The following SASH1 variants were observed in gnomAD, a reference collection of about 807,000 sequenced individuals.
SASH1 encodes the protein SAM and SH3 domain-containing protein 1.
SASH1 carries 44 observed loss-of-function variants against 125.2 expected under a neutral mutation model. That is an observed-to-expected ratio of 0.35 (90% CI 0.28 to 0.45). The LOEUF (loss-of-function observed/expected upper bound fraction) is 0.45, where lower values mean the gene tolerates loss of function less well. Among genes scored for constraint, SASH1 ranks in the 20% least tolerant of loss-of-function variants. The pLI is 1.00. For missense variants in SASH1, 1,426 were observed against 1,614.5 expected, an observed-to-expected ratio of 0.88 and a Z score of 2.00; for synonymous variants, 639 against 649.1, an observed-to-expected ratio of 0.98 and a Z score of 0.24.
the SASH1 span, among the ~76,000 whole-genome samples, chr6:148,237,195 T>TC: frequency 1.3e-5 from 2 of 152,142 alleles, no homozygotes; most frequent in South Asian, 4.1e-4. Flanking sequence ...TTTTTTTTTT[T>TC]AGCACAGTTC....
chr6:148,202,718 G>C, the SASH1 span, among the ~76,000 whole-genome samples: 51 of 152,226 alleles, frequency 3.4e-4, no homozygotes, highest in Non-Finnish European at 4.1e-4. Context: ...ACTTTGGGAG[G>C]CCGAGGCAGG....
At position 148,551,991 on chromosome 6, in the gene SASH1, A is replaced by T. The variant is rs367616341; in HGVS notation, c.*3433A>T. 3.3e-5 allele frequency: 5 copies of T among 152,764 alleles called. 1 individual carries two copies. The allele number at this position is 152,764 out of a possible 1,614,324, so 9.5% of individuals were successfully genotyped here. On this transcript the variant is annotated 3_prime_UTR_variant, in exon 20 of 20. Coordinates refer to ENST00000367467, the MANE Select transcript of SASH1 (RefSeq NM_015278.5). ...TTTTCCTATGTATCAAAACTTGTCT[A>T]TAATTATGTCATCTATGTACCTAGA... is the stretch of plus-strand genomic sequence containing the variant.
At chr6:148,275,997 A>G (rs1412457374) in intron 1 of SASH1, among the ~76,000 whole-genome samples, 1 of 152,198 alleles carries the variant, frequency 6.6e-6, no homozygotes, top group Non-Finnish European at 1.5e-5. Context: ...TTGGGATTTC[A>G]GGCATGAGCC....
At chr6:148,404,672 T>C (rs1784304964) in intron 2 of SASH1, among the ~76,000 whole-genome samples, 1 of 101,172 alleles carries the variant, frequency 9.9e-6, no homozygotes, top group South Asian at 4.7e-4. Flanking sequence ...CGTACCCTCA[T>C]CCCAACCCCA....
chr6:148,468,753 A>T (rs1777964931), intron 5 of SASH1, 168 bp downstream of exon 5: 2 of 539,498 alleles, frequency 3.7e-6, no homozygotes, highest in South Asian at 5.7e-5. Context: ...TTTTAAAAAA[A>T]TATAATTGTG....
At chr6:148,322,277 G>C (rs1174578933) in intron 1 of SASH1, among the ~76,000 whole-genome samples, 1 of 152,058 alleles carries the variant, frequency 6.6e-6, no homozygotes, top group African/African-American at 2.4e-5. Context: ...AGTTGAACCC[G>C]GGAAGTGGAG....
chr6:148,221,724 T>C, the SASH1 span, among the ~76,000 whole-genome samples: 14 of 152,198 alleles, frequency 9.2e-5, no homozygotes, highest in Admixed American at 9.2e-4. Flanking sequence ...TGAGCTGCGG[T>C]GGTTGTGAAC....
At chr6:148,282,915 G>A (rs939814241) in intron 1 of SASH1, among the ~76,000 whole-genome samples, 2 of 152,046 alleles carry the variant, frequency 1.3e-5, no homozygotes, top group African/African-American at 4.8e-5. Flanking sequence ...GCAGCCACTG[G>A]TTCTAAGCAT....
In SASH1 at chr6:148,544,055, C is replaced by T; in HGVS notation, c.2585C>T (p.Pro862Leu). 2 of 1,614,110 alleles carry T rather than the reference C, an allele frequency of 1.2e-6. No homozygotes were observed. The highest frequency in any genetic ancestry group is 1.7e-6 in the Non-Finnish European group (2 of 1,180,016). Residue 862 changes from proline (P) to leucine (L), a missense_variant, in exon 18 of 20, where the codon CCT becomes CTT. By Grantham distance (98) the Pro-to-Leu change is moderately conservative. Coordinates refer to ENST00000367467, the MANE Select transcript of SASH1 (RefSeq NM_015278.5). This position sits in a 1 kb window ranked among gnomAD's most constrained non-coding sequence, Gnocchi z 6.4. Reference protein sequence around the residue: ...DVPTEVTEPPPQIVPEVPQKT... With the variant: ...DVPTEVTEPPLQIVPEVPQKT... ...CCTACCGAGGTGACAGAACCGCCCC[C>T]TCAGATTGTACCTGAAGTGCCACAG... is the stretch of plus-strand genomic sequence containing the variant.
chr6:148,362,752 G>A (rs1270375633), intron 1 of SASH1, among the ~76,000 whole-genome samples: 1 of 152,034 alleles, frequency 6.6e-6, no homozygotes, highest in Non-Finnish European at 1.5e-5. Flanking sequence ...GAAGGATGAA[G>A]CAGGAGGATC....
At chr6:148,348,797 T>C (rs994028761) in intron 1 of SASH1, among the ~76,000 whole-genome samples, 1 of 152,254 alleles carries the variant, frequency 6.6e-6, no homozygotes, top group Non-Finnish European at 1.5e-5. Context: ...GTTTAAGCTA[T>C]TGAGCTATTA....
At chr6:148,354,343 TAA>T (rs1325040669) in intron 1 of SASH1, among the ~76,000 whole-genome samples, 1 of 152,218 alleles carries the variant, frequency 6.6e-6, no homozygotes, top group East Asian at 1.9e-4. Flanking sequence ...CACAATAATA[TAA>T]GAGAGCTTTT....
chr6:148,543,599 A>T (rs906396307), intron 17 of SASH1, 81 bp from the exon 18 acceptor site: 1 of 1,265,546 alleles, frequency 7.9e-7, no homozygotes, highest in Non-Finnish European at 1.1e-6. Flanking sequence ...GGAGATTTCA[A>T]TTATGTTAGC....
chr6:148,520,020 T>C (rs1264804152), intron 10 of SASH1, 127 bp downstream of exon 10: 1 of 663,700 alleles, frequency 1.5e-6, no homozygotes, highest in Non-Finnish European at 2.5e-6. Context: ...TAATTATTCC[T>C]GTTCCAGAGC....
chr6:148,464,467 G>A (rs1777748189), intron 4 of SASH1, among the ~76,000 whole-genome samples: 1 of 152,140 alleles, frequency 6.6e-6, no homozygotes, highest in African/African-American at 2.4e-5. Context: ...CAGCTCCAGC[G>A]CCCACCATCC....
intron 7 of SASH1, among the ~76,000 whole-genome samples, chr6:148,486,940 T>A (rs1778875223): frequency 7.8e-4 from 1 of 1,280 alleles, no homozygotes; most frequent in African/African-American, 4.2e-3. Context: ...ACAACAAATA[T>A]ATATATATAT....
rs1782824825 is a variant in SASH1, at chr6:148,550,509, T to G, written c.*1951T>G. On this transcript the variant is annotated 3_prime_UTR_variant, in exon 20 of 20. Coordinates refer to ENST00000367467, the MANE Select transcript of SASH1 (RefSeq NM_015278.5). ...ATTAGTATGCATTTTTAAAAAATAA[T>G]GCATGTTTCTTTAATAATTAATTTT... is the stretch of plus-strand genomic sequence containing the variant. The G allele has an allele frequency of 6.6e-6, 1 of 152,244 alleles. No homozygotes were observed. The highest frequency in any genetic ancestry group is 1.5e-5 in the Non-Finnish European group (1 of 68,050). The allele number at this position is 152,244 out of a possible 1,614,324, so 9.4% of individuals were successfully genotyped here.
intron 5 of SASH1, among the ~76,000 whole-genome samples, chr6:148,470,701 G>A (rs1255399210): frequency 2.0e-5 from 3 of 152,190 alleles, no homozygotes; most frequent in Non-Finnish European, 4.4e-5. Context: ...CGGGGGTGCG[G>A]TGGGTAGAGG....
At position 148,343,268 on chromosome 6, in the gene SASH1, G is replaced by A. The variant is rs55914407; in HGVS notation, c.156+45G>A. The A allele has an allele frequency of 0.11, 171,733 of 1,530,962 alleles. 10,611 individuals are homozygous for A. The highest frequency in any genetic ancestry group is 0.13 in the Non-Finnish European group (144,355 of 1,135,886). 94.8% of individuals were successfully genotyped at this position (1,530,962 alleles called of 1,614,324 possible). A position where few individuals can be genotyped will look rare whatever the true frequency, so the allele number is the denominator to read the frequency against. On this transcript the variant is annotated intron_variant, in intron 1 of 19. Coordinates refer to ENST00000367467, the MANE Select transcript of SASH1 (RefSeq NM_015278.5). ...GGCGGCGCAGGAAGTACAGTTCGCA[G>A]CAGCCCCTCTGAAACCGGGGGCTCC... is the stretch of plus-strand genomic sequence containing the variant.
Sources: allele counts gnomAD v4.1 joint callset (sites outside exome capture counted in the v4.1 genomes callset), GRCh38; gene constraint gnomAD v4.1.1; non-coding constraint Gnocchi (gnomAD v3.1); transcripts MANE v1.5; gene names NCBI Gene and HGNC (gene_info 2026-07-23, HGNC 2026-07-21).